ANKRD30BL: variants seen among roughly 807,000 people sequenced by gnomAD.
ANKRD30BL encodes ankyrin repeat domain 30B like.
Under a neutral mutation model 18.4 loss-of-function variants are expected in ANKRD30BL, and 20 were observed. That is an observed-to-expected ratio of 1.09 (90% CI 0.77 to 1.58). The LOEUF (loss-of-function observed/expected upper bound fraction) is 1.58. ANKRD30BL is among the 40% of genes most tolerant of loss of function. The pLI, the probability that ANKRD30BL is intolerant of heterozygous loss-of-function variation, is 0.00. For synonymous variants in ANKRD30BL, 72 were observed against 100.9 expected, an observed-to-expected ratio of 0.71 and a Z score of 1.72; for missense variants, 224 against 268.6, an observed-to-expected ratio of 0.83 and a Z score of 1.16.
At chr2:132,191,742 T>TG (rs1403513450) in intron 1 of ANKRD30BL, among the ~76,000 whole-genome samples, 10 of 145,004 alleles carry the variant, frequency 6.9e-5, no homozygotes, top group Non-Finnish European at 1.1e-4. Flanking sequence ...GTTTGATTTT[T>TG]TTTTTTTTTT....
chr2:132,221,676 C>T (rs1161894325), intron 1 of ANKRD30BL, among the ~76,000 whole-genome samples: 11 of 116,776 alleles, frequency 9.4e-5, no homozygotes, highest in East Asian at 5.3e-4. Context: ...CCAGCCGCCC[C>T]GTCCGGGAGG....
chr2:132,240,501 A>G (rs1355212166), intron 1 of ANKRD30BL, among the ~76,000 whole-genome samples: 8 of 151,826 alleles, frequency 5.3e-5, no homozygotes, highest in African/African-American at 1.9e-4. Context: ...TCCCATAAAA[A>G]CTAGACAGAA....
chr2:132,231,471 A>G (rs541999983), intron 1 of ANKRD30BL, among the ~76,000 whole-genome samples: 2 of 152,308 alleles, frequency 1.3e-5, no homozygotes, highest in African/African-American at 2.4e-5. Context: ...GGCGCAGGTC[A>G]GTGGGTGCAC....
At chr2:132,176,650 T>C (rs1688371549) in intron 1 of ANKRD30BL, among the ~76,000 whole-genome samples, 1 of 151,578 alleles carries the variant, frequency 6.6e-6, no homozygotes. Context: ...AAAAGCCGTG[T>C]GTGGCTGGTG....
intron 1 of ANKRD30BL, chr2:132,257,389 C>G (rs1024267774): frequency 1.2e-5 from 4 of 334,300 alleles, no homozygotes; most frequent in Non-Finnish European, 2.3e-5. Flanking sequence ...ACGCAGCCTC[C>G]CAACCGCTAG....
intron 1 of ANKRD30BL, among the ~76,000 whole-genome samples, chr2:132,232,764 G>A (rs1055852816): frequency 1.8e-4 from 27 of 152,118 alleles, no homozygotes; most frequent in African/African-American, 6.5e-4. Flanking sequence ...ACACTCTGCA[G>A]GATATTACCC....
chr2:132,173,411 T>C (rs1688314631), intron 1 of ANKRD30BL, among the ~76,000 whole-genome samples: 1 of 151,186 alleles, frequency 6.6e-6, no homozygotes, highest in Admixed American at 6.6e-5. Flanking sequence ...GCCATTCTCC[T>C]ACCTCAGCAT....
chr2:132,214,498 T>C (rs1319962511), intron 1 of ANKRD30BL, among the ~76,000 whole-genome samples: 1 of 150,752 alleles, frequency 6.6e-6, no homozygotes, highest in Non-Finnish European at 1.5e-5. Context: ...AAAGGAAATA[T>C]CTTCACACAA....
At chr2:132,175,433 G>T (rs974289116) in intron 1 of ANKRD30BL, among the ~76,000 whole-genome samples, 4 of 152,232 alleles carry the variant, frequency 2.6e-5, no homozygotes, top group African/African-American at 9.6e-5. Context: ...CTTGCCTCCT[G>T]CCATAAGGTG....
chr2:132,251,520 C>T (rs1338400401), intron 1 of ANKRD30BL, among the ~76,000 whole-genome samples: 2 of 152,144 alleles, frequency 1.3e-5, no homozygotes, highest in Admixed American at 1.3e-4. Flanking sequence ...TCCATCTTTA[C>T]AATTTTATTT....
intron 1 of ANKRD30BL, among the ~76,000 whole-genome samples, chr2:132,232,076 C>A (rs1680037041): frequency 6.6e-6 from 1 of 152,212 alleles, no homozygotes; most frequent in Admixed American, 6.6e-5. Context: ...CAGGGGCACA[C>A]TGACACCTCA....
intron 1 of ANKRD30BL, among the ~76,000 whole-genome samples, chr2:132,256,522 C>T (rs2104816820): frequency 6.6e-6 from 1 of 152,338 alleles, no homozygotes; most frequent in South Asian, 2.1e-4. Flanking sequence ...GAGAGGCGGA[C>T]CGCGGTGCCT....
chr2:132,218,875 C>T (rs368053929), intron 1 of ANKRD30BL, among the ~76,000 whole-genome samples: 4 of 152,088 alleles, frequency 2.6e-5, no homozygotes, highest in Admixed American at 2.6e-4. Context: ...CAGAGTTAAA[C>T]CTTTCTTTTG....
intron 1 of ANKRD30BL, among the ~76,000 whole-genome samples, chr2:132,186,720 G>A (rs1197842417): frequency 6.6e-6 from 1 of 152,130 alleles, no homozygotes; most frequent in Non-Finnish European, 1.5e-5. Flanking sequence ...ACTGAGTATG[G>A]AATTACTATT....
chr2:132,257,007 C>G, intron 1 of ANKRD30BL: 1 of 515,324 alleles, frequency 1.9e-6, no homozygotes, highest in Non-Finnish European at 3.9e-6. Context: ...AACACGGCCA[C>G]GGGATCCCAC....
intron 1 of ANKRD30BL, among the ~76,000 whole-genome samples, chr2:132,175,406 C>T (rs1688349830): frequency 6.6e-6 from 1 of 152,214 alleles, no homozygotes. Context: ...AATAAAGCAG[C>T]ATTGCTGCCA....
At chr2:132,215,834 G>C (rs1679482974) in intron 1 of ANKRD30BL, among the ~76,000 whole-genome samples, 1 of 152,076 alleles carries the variant, frequency 6.6e-6, no homozygotes, top group Admixed American at 6.6e-5. Context: ...CATTTGGAGT[G>C]ATTTGAGGCC....
intron 1 of ANKRD30BL, among the ~76,000 whole-genome samples, chr2:132,158,103 G>A (rs912109556): frequency 2.6e-5 from 4 of 152,094 alleles, no homozygotes; most frequent in Non-Finnish European, 4.4e-5. Context: ...AATTCACCGT[G>A]CCTTCCATGA....
At chr2:132,253,548 T>C (rs13430201) in intron 1 of ANKRD30BL, among the ~76,000 whole-genome samples, 26,142 of 152,048 alleles carry the variant, frequency 0.17, 4,858 homozygotes, top group African/African-American at 0.47. Flanking sequence ...AGGCCACACG[T>C]GCAGCATGCA....
Sources: gnomAD v4.1 joint callset for allele counts (sites outside exome capture counted in the v4.1 genomes callset) on GRCh38, gnomAD v4.1.1 for gene constraint, MANE v1.5 for transcripts, NCBI Gene and HGNC (gene_info 2026-07-23, HGNC 2026-07-21) for gene names.